HMCN1: variants seen among roughly 807,000 people sequenced by gnomAD.
HMCN1 encodes the protein hemicentin-1.
In HMCN1, 321 loss-of-function variants were observed where a neutral mutation model predicts 625.9. The ratio of observed to expected loss-of-function variants is 0.51; its 90% CI spans 0.47 to 0.56. The LOEUF (loss-of-function observed/expected upper bound fraction) is 0.56, where lower values mean the gene tolerates loss of function less well. Among genes scored for constraint, HMCN1 ranks in the 20% least tolerant of loss-of-function variants. The probability of loss-of-function intolerance (pLI) is 0.00; values close to 1 mark genes in which losing one functional copy is unlikely to be tolerated. For missense variants in HMCN1, 6,588 were observed against 6,887.3 expected (o/e 0.96, Z 1.54); for synonymous variants, 2,425 against 2,417.6 (o/e 1.00, Z -0.09).
chr1:186,036,876 T>C (rs1309252946), intron 36 of HMCN1, among the ~76,000 whole-genome samples: 2 of 151,864 alleles, frequency 1.3e-5, no homozygotes, highest in Admixed American at 1.3e-4. Flanking sequence ...AGGTGTGAGC[T>C]ACCACACCCG....
chr1:186,101,235 T>A (rs555130489), intron 68 of HMCN1, among the ~76,000 whole-genome samples: 3 of 152,116 alleles, frequency 2.0e-5, no homozygotes, highest in African/African-American at 7.2e-5. Context: ...AAAAGGTGTA[T>A]TCTGGAAATA....
chr1:185,846,290 T>C (rs898196561), intron 2 of HMCN1, among the ~76,000 whole-genome samples, 194 bp downstream of exon 2: 19 of 152,206 alleles, frequency 1.2e-4, no homozygotes, highest in Non-Finnish European at 4.4e-5. Flanking sequence ...CAGATGGGGT[T>C]TGAAATATCA....
At chr1:185,827,200 G>A (rs1005112973) in intron 1 of HMCN1, among the ~76,000 whole-genome samples, 3 of 148,886 alleles carry the variant, frequency 2.0e-5, no homozygotes, top group Non-Finnish European at 3.0e-5. Flanking sequence ...AAAAAAAATT[G>A]CAAGAAAAAT....
At chr1:185,961,006 T>C (rs781017926) in intron 11 of HMCN1, among the ~76,000 whole-genome samples, 12 of 152,088 alleles carry the variant, frequency 7.9e-5, no homozygotes, top group Non-Finnish European at 1.6e-4. Flanking sequence ...AGCCCTATGC[T>C]CACCAACAAG....
intron 18 of HMCN1, 29 bp downstream of exon 18, chr1:185,982,418 C>T: frequency 1.9e-6 from 3 of 1,570,262 alleles, no homozygotes; most frequent in Non-Finnish European, 2.6e-6. Context: ...CATGCATTCA[C>T]ATTCTTTTGT....
chr1:186,024,587 A>C (rs1308395277), intron 36 of HMCN1, among the ~76,000 whole-genome samples: 2 of 152,290 alleles, frequency 1.3e-5, no homozygotes, highest in East Asian at 1.9e-4. Context: ...ACTTTGGTTT[A>C]AATTCTATGC....
At position 185,851,375 on chromosome 1, in the gene HMCN1, C is replaced by T. The variant is rs1662149095; in HGVS notation, c.339+5279C>T. On this transcript the variant is annotated intron_variant, in intron 2 of 106. Coordinates refer to ENST00000271588, the MANE Select transcript of HMCN1 (RefSeq NM_031935.3). ...AATCATCCATTAACATTAGAGCAGG[C>T]TTGGCTATTTTTCTTCTAGAGATAT... Among the ~76,000 whole-genome samples, 2 of 152,092 alleles carry T rather than the reference C, an allele frequency of 1.3e-5. 1 individual carries two copies. Among genetic ancestry groups the T allele is most frequent in the South Asian group, 4.1e-4 (2 of 4,834 alleles).
At chr1:185,749,197 A>G (rs780487847) in intron 1 of HMCN1, among the ~76,000 whole-genome samples, 1 of 152,218 alleles carries the variant, frequency 6.6e-6, no homozygotes, top group African/African-American at 2.4e-5. Flanking sequence ...TTTATGTTTC[A>G]GTGAGACTAT....
intron 34 of HMCN1, among the ~76,000 whole-genome samples, chr1:186,019,300 G>C (rs951784353): frequency 6.6e-6 from 1 of 151,980 alleles, no homozygotes; most frequent in Admixed American, 6.6e-5. Context: ...GATTACGGTA[G>C]CCATAAATAC....
At chr1:185,974,816 A>G (rs1161116919) in intron 15 of HMCN1, among the ~76,000 whole-genome samples, 1 of 152,130 alleles carries the variant, frequency 6.6e-6, no homozygotes, top group South Asian at 2.1e-4. Context: ...TGTTTTGTGC[A>G]TAATGCTGTT....
At chr1:186,030,077 C>T (rs960356464) in intron 36 of HMCN1, among the ~76,000 whole-genome samples, 1 of 152,058 alleles carries the variant, frequency 6.6e-6, no homozygotes, top group African/African-American at 2.4e-5. Context: ...AGAACATACA[C>T]TGTAAGATTA....
chr1:185,781,978 T>A (rs1326834822), intron 1 of HMCN1, among the ~76,000 whole-genome samples: 4 of 152,182 alleles, frequency 2.6e-5, no homozygotes, highest in Admixed American at 2.6e-4. Context: ...TGTGTGGGAG[T>A]CTAAGTCTCT....
At chr1:186,039,410 G>GCGCACACACA (rs1553279725) in intron 38 of HMCN1, among the ~76,000 whole-genome samples, 62 of 148,112 alleles carry the variant, frequency 4.2e-4, no homozygotes, top group African/African-American at 1.4e-3. Context: ...GTGTTCATGT[G>GCGCACACACA]CACACACACA....
At chr1:185,802,511 G>A (rs1658868862) in intron 1 of HMCN1, among the ~76,000 whole-genome samples, 1 of 152,078 alleles carries the variant, frequency 6.6e-6, no homozygotes, top group South Asian at 2.1e-4. Context: ...ATCCTTATTT[G>A]CCAGGTAAGG....
rs1652224550 is a variant in HMCN1, at chr1:186,171,439, G to A, written c.15677G>A (p.Arg5226Lys). The A allele has an allele frequency of 6.2e-7, 1 of 1,611,186 alleles. No individual in the cohort carries two copies. Among genetic ancestry groups the A allele is most frequent in the Non-Finnish European group, 8.5e-7 (1 of 1,177,432 alleles). ...GCEPGYQLKG[R>K]KCMDVNECRQ... ...GAACCTGGGTATCAGCTCAAAGGCA[G>A]AAAATGCATGGGTAAGAAAAGGGCT... Residue 5226 changes from arginine (R) to lysine (K), a missense_variant, in exon 101 of 107, where the codon AGA becomes AAA. Arg to Lys is a conservative substitution (Grantham distance 26, BLOSUM62 2). This residue lies in a region of HMCN1 where 1,954 missense variants were observed against 2,013.1 expected (regional missense o/e 0.97). Coordinates refer to ENST00000271588, the MANE Select transcript of HMCN1 (RefSeq NM_031935.3).
At chr1:186,107,061 G>A in intron 70 of HMCN1, 96 bp downstream of exon 70, 1 of 820,410 alleles carries the variant, frequency 1.2e-6, no homozygotes, top group Non-Finnish European at 2.1e-6. Flanking sequence ...ATGTTTATAA[G>A]TTAGGGAATA....
Position 185,787,183 on chromosome 1 carries a change from G to A in HMCN1, c.268+52136G>A, listed in dbSNP as rs577920451. Among the ~76,000 whole-genome samples the A allele has an allele frequency of 8.0e-4, 120 of 149,984 alleles. 1 individual carries two copies. The highest frequency in any genetic ancestry group is 2.8e-3 in the African/African-American group (114 of 40,916). On this transcript the variant is annotated intron_variant, in intron 1 of 106. Transcript: ENST00000271588. ...TGTGTGTGTGTGTGTGTGTGTGCAT[G>A]CACGTGTGTTTTAATGAACAATTGG...
intron 4 of HMCN1, among the ~76,000 whole-genome samples, chr1:185,892,383 C>T (rs905384986): frequency 4.1e-4 from 62 of 150,774 alleles, no homozygotes; most frequent in South Asian, 2.1e-3. Flanking sequence ...GGAGGAGAGG[C>T]GCTCTGATTT....
At chr1:186,017,926 T>C (rs1654471282) in intron 33 of HMCN1, among the ~76,000 whole-genome samples, 1 of 151,982 alleles carries the variant, frequency 6.6e-6, no homozygotes, top group African/African-American at 2.4e-5. Flanking sequence ...TTACAAACAA[T>C]CCAATACTTC....
Sources: gnomAD v4.1 joint callset for allele counts (sites outside exome capture counted in the v4.1 genomes callset) on GRCh38, gnomAD v4.1.1 for gene constraint, gnomAD v4.1.1 regional missense constraint, MANE v1.5 for transcripts, NCBI Gene and HGNC (gene_info 2026-07-23, HGNC 2026-07-21) for gene names.